CADM2: variants seen among roughly 807,000 people sequenced by gnomAD.
CADM2 encodes immunoglobulin superfamily member 4D.
A neutral mutation model predicts 49.8 loss-of-function variants in CADM2; 12 were observed. That is an observed-to-expected ratio of 0.24 (90% CI 0.15 to 0.39). The LOEUF (loss-of-function observed/expected upper bound fraction) is 0.39, where lower values mean the gene tolerates loss of function less well. Among genes scored for constraint, CADM2 ranks in the 10% least tolerant of loss-of-function variants. The pLI is 1.00. For missense variants in CADM2, 378 were observed against 492.3 expected, an observed-to-expected ratio of 0.77 and a Z score of 2.20; for synonymous variants, 214 against 175.4, an observed-to-expected ratio of 1.22 and a Z score of -1.74.
intron 8 of CADM2, among the ~76,000 whole-genome samples, chr3:85,967,440 G>A (rs942247773): frequency 1.3e-5 from 2 of 151,520 alleles, no homozygotes; most frequent in African/African-American, 4.8e-5. Flanking sequence ...TAATATATAT[G>A]TCAGTGAATG....
Position 84,994,897 on chromosome 3 carries a change from G to A in CADM2, c.61+35229G>A, listed in dbSNP as rs56276639. ...CAAAAAATAAGCCGGGCGTGGTGGT[G>A]TGCACCTGTAACCCAGCTACTTGGG... is the stretch of plus-strand genomic sequence containing the variant. On this transcript the variant is annotated intron_variant, in intron 1 of 9. Transcript: ENST00000383699. Among the ~76,000 whole-genome samples the A allele has an allele frequency of 2.5e-3, 376 of 152,004 alleles. 1 individual carries two copies. Among genetic ancestry groups the A allele is most frequent in the Non-Finnish European group, 4.0e-3 (269 of 67,970 alleles).
At chr3:85,769,609 T>C (rs796930720) in intron 2 of CADM2, among the ~76,000 whole-genome samples, 7 of 98,522 alleles carry the variant, frequency 7.1e-5, no homozygotes, top group East Asian at 1.0e-3. Context: ...CATATATACA[T>C]ATATACATAT....
chr3:85,818,815 C>T (rs1211106595), intron 3 of CADM2, among the ~76,000 whole-genome samples: 3 of 151,538 alleles, frequency 2.0e-5, no homozygotes, highest in Admixed American at 6.6e-5. Flanking sequence ...ATCATGATGG[C>T]CTGGAACAGA....
intron 7 of CADM2, among the ~76,000 whole-genome samples, chr3:85,943,383 T>A (rs376150916): frequency 1.4e-5 from 2 of 144,968 alleles, no homozygotes; most frequent in South Asian, 4.5e-4. Context: ...CCATTGCTTT[T>A]GGTGTTTTAG....
intron 1 of CADM2, among the ~76,000 whole-genome samples, chr3:85,095,782 T>C (rs2037772932): frequency 6.6e-6 from 1 of 152,306 alleles, no homozygotes; most frequent in South Asian, 2.1e-4. Context: ...AATTTTTTTC[T>C]ATACTCTGTA....
intron 1 of CADM2, among the ~76,000 whole-genome samples, chr3:85,066,216 A>G (rs917729894): frequency 6.6e-6 from 1 of 151,960 alleles, no homozygotes; most frequent in South Asian, 2.1e-4. Context: ...TTCCTGAGGC[A>G]CAGGTGGAGA....
chr3:85,320,643 A>G (rs2044574667), intron 1 of CADM2, among the ~76,000 whole-genome samples: 1 of 152,190 alleles, frequency 6.6e-6, no homozygotes. Context: ...GACAAAAATA[A>G]TAAAGTATAT....
At chr3:84,998,492 G>A (rs2033289841) in intron 1 of CADM2, among the ~76,000 whole-genome samples, 1 of 152,074 alleles carries the variant, frequency 6.6e-6, no homozygotes, top group Non-Finnish European at 1.5e-5. Flanking sequence ...CAGGTACTAA[G>A]GAACAAACTT....
intron 1 of CADM2, among the ~76,000 whole-genome samples, chr3:85,651,277 G>A (rs2065035237): frequency 6.6e-6 from 1 of 152,046 alleles, no homozygotes; most frequent in East Asian, 1.9e-4. Context: ...TCTTGAGTTT[G>A]TTGATGTTGT....
chr3:85,657,162 G>A (rs1367777000), intron 1 of CADM2, among the ~76,000 whole-genome samples: 5 of 152,056 alleles, frequency 3.3e-5, no homozygotes, highest in Admixed American at 1.3e-4. Context: ...ATCTTTTGCA[G>A]CAAATGTTGG....
intron 8 of CADM2, among the ~76,000 whole-genome samples, chr3:86,025,029 C>A (rs535117821): frequency 6.6e-6 from 1 of 151,298 alleles, no homozygotes; most frequent in Non-Finnish European, 1.5e-5. Flanking sequence ...CAGGCATGCA[C>A]CACTATGCCT....
At chr3:85,905,007 A>G (rs1274517265) in intron 5 of CADM2, among the ~76,000 whole-genome samples, 1 of 152,126 alleles carries the variant, frequency 6.6e-6, no homozygotes, top group Non-Finnish European at 1.5e-5. Flanking sequence ...TAAAATTTAT[A>G]TGGAAAAATG....
At chr3:85,700,256 G>A (rs576031937) in intron 1 of CADM2, among the ~76,000 whole-genome samples, 8 of 152,190 alleles carry the variant, frequency 5.3e-5, no homozygotes, top group African/African-American at 1.7e-4. Flanking sequence ...AACACTGCAT[G>A]TTCTCACTCA....
At chr3:85,418,787 G>A (rs930908209) in intron 1 of CADM2, among the ~76,000 whole-genome samples, 3 of 152,216 alleles carry the variant, frequency 2.0e-5, no homozygotes. Context: ...TGCAATGGGA[G>A]CTGGGTATTA....
chr3:86,014,726 T>A, intron 8 of CADM2: 2 of 1,508,722 alleles, frequency 1.3e-6, no homozygotes, highest in Non-Finnish European at 1.8e-6. Context: ...TGTGTAGAAG[T>A]GACTTACCCA....
chr3:85,177,463 T>A (rs1453823690), intron 1 of CADM2, among the ~76,000 whole-genome samples: 2 of 152,054 alleles, frequency 1.3e-5, no homozygotes, highest in African/African-American at 2.4e-5. Flanking sequence ...ACCCTATAGG[T>A]AATTTCAACT....
intron 1 of CADM2, among the ~76,000 whole-genome samples, chr3:85,299,656 A>G (rs550806726): frequency 6.6e-6 from 1 of 152,066 alleles, no homozygotes; most frequent in South Asian, 2.1e-4. Context: ...ATTACTTCAG[A>G]GGTTGGTCTG....
intron 6 of CADM2, among the ~76,000 whole-genome samples, chr3:85,927,702 G>T (rs999472935): frequency 2.6e-5 from 4 of 152,146 alleles, no homozygotes; most frequent in Non-Finnish European, 2.9e-5. Flanking sequence ...TGCAATATAG[G>T]AGGGTACAGT....
At chr3:85,096,136 G>C (rs917844784) in intron 1 of CADM2, among the ~76,000 whole-genome samples, 1 of 151,836 alleles carries the variant, frequency 6.6e-6, no homozygotes, top group African/African-American at 2.4e-5. Flanking sequence ...TACAATACCA[G>C]GTAAATAAGT....
Sources: allele counts gnomAD v4.1 joint callset (sites outside exome capture counted in the v4.1 genomes callset), GRCh38; gene constraint gnomAD v4.1.1; transcripts MANE v1.5; gene names NCBI Gene and HGNC (gene_info 2026-07-23, HGNC 2026-07-21).